Variants in SBF2 observed in about 807,000 individuals in gnomAD.
The protein encoded by SBF2 is SET binding factor 2.
In SBF2, 112 loss-of-function variants were observed where a neutral mutation model predicts 225.2. That is an observed-to-expected ratio of 0.50 (90% CI 0.43 to 0.58). The LOEUF is 0.58. SBF2 is among the 20% of genes least tolerant of loss of function. The pLI is 0.00. For synonymous variants in SBF2, 763 were observed against 773.3 expected, an observed-to-expected ratio of 0.99 and a Z score of 0.22; for missense variants, 1,996 against 2,206.2, an observed-to-expected ratio of 0.90 and a Z score of 1.91.
chr11:10,029,914 A>G lies in SBF2; in HGVS notation c.403-39T>C, dbSNP rs1256046185. On this transcript the variant is annotated intron_variant, in intron 4 of 39. Transcript: ENST00000256190. ...AATACATGTAATTATTTCATGGAAA[A>G]AGCATTAAAAATAAATTGTTATGAC... 5.2e-6 allele frequency: 7 copies of G among 1,358,492 alleles called. No homozygotes were observed. The Admixed American group carries it at 1.0e-4, about 20-fold the overall frequency. The allele number at this position is 1,358,492 out of a possible 1,614,324, so 84.2% of individuals were successfully genotyped here.
chr11:9,780,181 C>A lies in SBF2; in HGVS notation c.*237G>T. The A allele has an allele frequency of 1.9e-6, 1 of 533,856 alleles. No homozygotes were observed. The highest frequency in any genetic ancestry group is 3.4e-6 in the Non-Finnish European group (1 of 292,820). 33.1% of individuals were successfully genotyped at this position (533,856 alleles called of 1,614,324 possible). A position where few individuals can be genotyped will look rare whatever the true frequency, so the allele number is the denominator to read the frequency against. On this transcript the variant is annotated 3_prime_UTR_variant, in exon 40 of 40. Transcript: ENST00000256190. ...ATCTTCTGATCATTAACCACTAAGACCCTGTTAGAAAAATTTAGTGCAAGA... is the reference window on the plus strand; with the variant it reads ...ATCTTCTGATCATTAACCACTAAGAACCTGTTAGAAAAATTTAGTGCAAGA...
At chr11:9,941,347 T>A (rs1865242653) in intron 16 of SBF2, among the ~76,000 whole-genome samples, 1 of 151,652 alleles carries the variant, frequency 6.6e-6, no homozygotes, top group South Asian at 2.1e-4. Flanking sequence ...AAAAAAAAAA[T>A]TATCCCAAAG....
At chr11:9,810,496 A>T (rs554111443) in intron 30 of SBF2, 1 of 152,350 alleles carries the variant, frequency 6.6e-6, no homozygotes, top group South Asian at 2.1e-4. Flanking sequence ...ATAATTTGCA[A>T]TTTGAATCCA....
intron 1 of SBF2, among the ~76,000 whole-genome samples, chr11:10,268,311 T>A (rs1962181653): frequency 6.6e-6 from 1 of 152,188 alleles, no homozygotes; most frequent in Non-Finnish European, 1.5e-5. Flanking sequence ...AACAAGAATC[T>A]TCCATTTTAA....
chr11:9,808,217 T>C (rs780317736), intron 31 of SBF2, 32 bp from the exon 32 acceptor site: 1 of 1,597,014 alleles, frequency 6.3e-7, no homozygotes, highest in Non-Finnish European at 8.6e-7. Flanking sequence ...TTGTCATTAA[T>C]TTTAGTTCTG....
At chr11:10,136,647 G>C (rs961344989) in intron 2 of SBF2, among the ~76,000 whole-genome samples, 1 of 152,180 alleles carries the variant, frequency 6.6e-6, no homozygotes, top group Admixed American at 6.5e-5. Context: ...TGGGAGGTAA[G>C]GTACTCTTGT....
rs1217719289 is a variant in SBF2, at chr11:10,239,760, T to C, written c.56-45773A>G. On this transcript the variant is annotated intron_variant, in intron 1 of 39. Coordinates refer to ENST00000256190, the MANE Select transcript of SBF2 (RefSeq NM_030962.4). Reference sequence around the variant, plus strand: ...TCAAGAGAAAACGCAAAATGCACTATATAAACCTAATGGTAAATATAGTAG... The same window carrying C: ...TCAAGAGAAAACGCAAAATGCACTACATAAACCTAATGGTAAATATAGTAG... Among the ~76,000 whole-genome samples the C allele has an allele frequency of 2.0e-5, 3 of 148,238 alleles. 1 individual carries two copies. Among genetic ancestry groups the C allele is most frequent in the African/African-American group, 7.3e-5 (3 of 41,024 alleles).
intron 2 of SBF2, among the ~76,000 whole-genome samples, chr11:10,124,954 A>T (rs931623126): frequency 2.0e-5 from 3 of 151,722 alleles, no homozygotes; most frequent in African/African-American, 4.8e-5. Flanking sequence ...AAAGTACAAA[A>T]ATTAGCCGGG....
chr11:9,780,310 AG>A lies in SBF2; in HGVS notation c.*107del, dbSNP rs1301716076. ...AGAGGGGACTGGGCAGGAGAACCTCAGGCCCTGGGATAACTTGTTGTCAGCT... is the reference window on the plus strand; with the variant it reads ...AGAGGGGACTGGGCAGGAGAACCTCAGCCCTGGGATAACTTGTTGTCAGCT... On this transcript the variant is annotated 3_prime_UTR_variant, in exon 40 of 40. Transcript: ENST00000256190. 2 of 940,820 alleles carry A rather than the reference AG, an allele frequency of 2.1e-6. No individual in the cohort carries two copies. The highest frequency in any genetic ancestry group is 3.3e-6 in the Non-Finnish European group (2 of 598,726). 58.3% of individuals were successfully genotyped at this position (940,820 alleles called of 1,614,324 possible).
In SBF2 at chr11:9,852,708, G is replaced by C. The variant is rs764814296; in HGVS notation, c.2578C>G (p.Arg860Gly). ...ATAGGCGGAAGTCTTCTGCTTTCTC[G>C]ATGTACTGCTTCTAGGGTCTCAATG... ...MHIETLEAVH[R>G]ESRRLPPIQK... is the part of the protein sequence containing the mutation. Residue 860 changes from arginine (R) to glycine (G), a missense_variant, in exon 21 of 40, where the codon CGA becomes GGA. Physicochemically the swap from Arg to Gly is moderately radical, Grantham distance 125. Coordinates refer to ENST00000256190, the MANE Select transcript of SBF2 (RefSeq NM_030962.4). 4.3e-6 allele frequency: 7 copies of C among 1,613,268 alleles called. No homozygotes were observed. The highest frequency in any genetic ancestry group is 5.1e-6 in the Non-Finnish European group (6 of 1,179,364).
intron 2 of SBF2, among the ~76,000 whole-genome samples, chr11:10,112,707 T>A (rs977343466): frequency 2.0e-5 from 3 of 152,060 alleles, no homozygotes; most frequent in African/African-American, 7.2e-5. Flanking sequence ...ACAGAAGAGG[T>A]AAGAGCAGGG....
chr11:9,842,571 T>C, intron 25 of SBF2, 54 bp downstream of exon 25: 1 of 1,581,478 alleles, frequency 6.3e-7, no homozygotes, highest in Non-Finnish European at 8.7e-7. Flanking sequence ...CTGAGTCTCT[T>C]ATTCATATAA....
chr11:10,060,220 A>G (rs963153741), intron 2 of SBF2, among the ~76,000 whole-genome samples: 4 of 152,160 alleles, frequency 2.6e-5, no homozygotes, highest in African/African-American at 9.7e-5. Flanking sequence ...CACAGAAACA[A>G]AAATAACCAT....
At chr11:10,166,989 A>ACACACACACACAC (rs34539770) in intron 2 of SBF2, among the ~76,000 whole-genome samples, 1 of 151,372 alleles carries the variant, frequency 6.6e-6, no homozygotes, top group Non-Finnish European at 1.5e-5. Flanking sequence ...ACACACACAC[A>ACACACACACACAC]AAAAGGCTAC....
At chr11:10,137,852 T>A (rs1954456641) in intron 2 of SBF2, among the ~76,000 whole-genome samples, 1 of 151,790 alleles carries the variant, frequency 6.6e-6, no homozygotes, top group Non-Finnish European at 1.5e-5. Flanking sequence ...ACTAAAAATA[T>A]AAAAATTAGC....
intron 28 of SBF2, among the ~76,000 whole-genome samples, chr11:9,829,101 C>A (rs1031845365): frequency 2.0e-5 from 3 of 151,946 alleles, no homozygotes; most frequent in Non-Finnish European, 4.4e-5. Flanking sequence ...ACAGTGAGAC[C>A]CCATCTCTTA....
chr11:9,959,424 G>C (rs1866412452), intron 16 of SBF2: 2 of 1,053,080 alleles, frequency 1.9e-6, no homozygotes, highest in South Asian at 2.5e-5. Flanking sequence ...TGCCAAACCA[G>C]GGGTGCTGGT....
chr11:9,803,868 T>G (rs1399337032), intron 32 of SBF2, among the ~76,000 whole-genome samples: 1 of 151,608 alleles, frequency 6.6e-6, no homozygotes, highest in Non-Finnish European at 1.5e-5. Flanking sequence ...GAAGGAAGAA[T>G]AGCAGTAAAT....
chr11:9,937,519 A>C (rs576527054), intron 16 of SBF2, among the ~76,000 whole-genome samples: 1 of 152,336 alleles, frequency 6.6e-6, no homozygotes, highest in South Asian at 2.1e-4. Context: ...AAAAATAATT[A>C]TCCTAAATAA....
Sources: allele counts gnomAD v4.1 joint callset (sites outside exome capture counted in the v4.1 genomes callset), GRCh38; gene constraint gnomAD v4.1.1; transcripts MANE v1.5; gene names NCBI Gene and HGNC (gene_info 2026-07-23, HGNC 2026-07-21).